Variants in GOLPH3L observed in about 807,000 individuals in gnomAD.
GOLPH3L encodes golgi phosphoprotein 3 like.
In GOLPH3L, 22 loss-of-function variants were observed where a neutral mutation model predicts 30.3. The observed-to-expected ratio is 0.73, with a 90% CI of 0.52 to 1.04. The LOEUF is 1.04. GOLPH3L is among the 50% of genes least tolerant of loss of function. The probability of loss-of-function intolerance (pLI) is 0.00; values close to 1 mark genes in which losing one functional copy is unlikely to be tolerated. For synonymous variants in GOLPH3L, 120 were observed against 128.2 expected, an observed-to-expected ratio of 0.94 and a Z score of 0.43; for missense variants, 303 against 345.8, an observed-to-expected ratio of 0.88 and a Z score of 0.98.
chr1:150,694,830 AG>A lies in GOLPH3L; in HGVS notation c.8del (p.Thr3IlefsTer2), dbSNP rs768008456. The stretch of plus-strand genomic sequence containing the variant: ...CAGTGCGACGGGCCCGGTGAGTTAA[AG>A]TGGTCATTCTCACCTGTTTCTGGAG... MTTLTHRARRTEI... is the reference protein window; with the variant it reads MTXLTHRARRTEI... On this transcript the variant is annotated frameshift_variant, in exon 2 of 5. Transcript: ENST00000271732. LOFTEE classifies it high-confidence loss of function. 4.4e-6 allele frequency: 7 copies of A among 1,605,992 alleles called. No individual in the cohort carries two copies. In the African/African-American group the frequency reaches 6.7e-5, roughly 15 times the overall value.
rs34407662 is a variant in GOLPH3L, at chr1:150,682,066, GA to G, written c.183+12589del. ...GTGACAGAGGAGACAATGTCTCAAA[GA>G]AAAAAAAAAATGATGCATCTGTGTA... On this transcript the variant is annotated intron_variant, in intron 2 of 4. Coordinates refer to ENST00000271732, the MANE Select transcript of GOLPH3L (RefSeq NM_018178.6). Among the ~76,000 whole-genome samples, 165 of 143,826 alleles carry G rather than the reference GA, an allele frequency of 1.1e-3. 1 individual carries two copies. Among genetic ancestry groups the G allele is most frequent in the Non-Finnish European group, 1.0e-3 (66 of 65,328 alleles). 94.4% of individuals were successfully genotyped at this position (143,826 alleles called of 152,430 possible).
intron 2 of GOLPH3L, among the ~76,000 whole-genome samples, chr1:150,688,847 T>A (rs1651148523): frequency 6.6e-6 from 1 of 152,192 alleles, no homozygotes; most frequent in Admixed American, 6.5e-5. Context: ...ACCACCCATC[T>A]GATTTACGTG....
chr1:150,680,889 C>CT (rs1215917382), intron 2 of GOLPH3L, among the ~76,000 whole-genome samples: 1 of 152,180 alleles, frequency 6.6e-6, no homozygotes, highest in African/African-American at 2.4e-5. Flanking sequence ...TGGCTCATGC[C>CT]TGTAATCCCA....
chr1:150,657,886 C>A (rs1404038734), intron 4 of GOLPH3L, among the ~76,000 whole-genome samples: 11 of 152,156 alleles, frequency 7.2e-5, no homozygotes. Context: ...ATTTTTTGAG[C>A]CTGCCTAAAG....
Position 150,648,282 on chromosome 1 carries a change from C to T in GOLPH3L, c.*39G>A. The stretch of plus-strand genomic sequence containing the variant: ...TCAGTGATGGGGTCTCTGACAGTCA[C>T]CAGCCAGCAGGGGAAAAGGAGAAAT... On this transcript the variant is annotated 3_prime_UTR_variant, in exon 5 of 5. Coordinates refer to ENST00000271732, the MANE Select transcript of GOLPH3L (RefSeq NM_018178.6). 2 of 1,430,884 alleles carry T rather than the reference C, an allele frequency of 1.4e-6. No individual in the cohort carries two copies. The highest frequency in any genetic ancestry group is 1.9e-6 in the Non-Finnish European group (2 of 1,042,702). The allele number at this position is 1,430,884 out of a possible 1,614,324, so 88.6% of individuals were successfully genotyped here.
intron 4 of GOLPH3L, among the ~76,000 whole-genome samples, chr1:150,656,781 A>T (rs1368995127): frequency 6.6e-6 from 1 of 152,198 alleles, no homozygotes; most frequent in African/African-American, 2.4e-5. Context: ...TTTTATAAAT[A>T]ATCTTACTTG....
intron 1 of GOLPH3L, 26 bp from the exon 2 acceptor site, chr1:150,694,876 T>A (rs76225960): frequency 8.1e-7 from 1 of 1,231,530 alleles, no homozygotes; most frequent in Non-Finnish European, 1.2e-6. Flanking sequence ...AAAAAAAAAA[T>A]CCATATGTAT....
chr1:150,661,207 G>A (rs1043223466), intron 4 of GOLPH3L, among the ~76,000 whole-genome samples: 2 of 152,110 alleles, frequency 1.3e-5, no homozygotes, highest in Non-Finnish European at 1.5e-5. Flanking sequence ...CAGCCTGGAC[G>A]ACAGAGCAAG....
intron 2 of GOLPH3L, among the ~76,000 whole-genome samples, chr1:150,677,218 G>A (rs759814154): frequency 6.6e-6 from 1 of 151,738 alleles, no homozygotes; most frequent in Non-Finnish European, 1.5e-5. Context: ...TTACAGGCAT[G>A]AGCCACCGTG....
chr1:150,694,903 C>A, intron 1 of GOLPH3L, 53 bp from the exon 2 acceptor site: 3 of 896,888 alleles, frequency 3.3e-6, no homozygotes, highest in South Asian at 1.7e-5. Flanking sequence ...GTAAATAAAT[C>A]ATATATTCAT....
chr1:150,668,754 T>A (rs587621832), intron 2 of GOLPH3L, among the ~76,000 whole-genome samples: 96 of 152,318 alleles, frequency 6.3e-4, no homozygotes, highest in African/African-American at 2.3e-3. Flanking sequence ...TGTTTTTTTT[T>A]ATAGTTTAGC....
intron 2 of GOLPH3L, among the ~76,000 whole-genome samples, chr1:150,689,141 T>C (rs1303981248): frequency 6.6e-6 from 1 of 152,168 alleles, no homozygotes; most frequent in East Asian, 1.9e-4. Flanking sequence ...CACAGTGACA[T>C]GAGAAATATG....
chr1:150,664,542 C>T (rs1321850574), intron 2 of GOLPH3L, among the ~76,000 whole-genome samples: 1 of 152,114 alleles, frequency 6.6e-6, no homozygotes, highest in Non-Finnish European at 1.5e-5. Flanking sequence ...CAACCTCCGC[C>T]TCCCAGGTTC....
At chr1:150,664,268 T>C (rs1299853893) in intron 2 of GOLPH3L, among the ~76,000 whole-genome samples, 1 of 152,100 alleles carries the variant, frequency 6.6e-6, no homozygotes, top group African/African-American at 2.4e-5. Context: ...CCTCCGAAAG[T>C]GTTGGGATTA....
At chr1:150,656,222 A>G (rs1265986064) in intron 4 of GOLPH3L, among the ~76,000 whole-genome samples, 1 of 152,234 alleles carries the variant, frequency 6.6e-6, no homozygotes, top group Non-Finnish European at 1.5e-5. Context: ...ACAGCTCCTG[A>G]CAAAATTCAG....
intron 2 of GOLPH3L, among the ~76,000 whole-genome samples, chr1:150,674,284 G>A (rs188606420): frequency 4.6e-4 from 68 of 147,930 alleles, no homozygotes; most frequent in Non-Finnish European, 6.7e-4. Context: ...TTTTTGAGAT[G>A]GAGTCTTTCT....
intron 2 of GOLPH3L, among the ~76,000 whole-genome samples, chr1:150,674,363 C>T (rs1571047133): frequency 6.6e-6 from 1 of 151,594 alleles, no homozygotes; most frequent in South Asian, 2.1e-4. Context: ...TGGGCTCAAG[C>T]GATTCTCCTG....
intron 4 of GOLPH3L, among the ~76,000 whole-genome samples, chr1:150,660,583 C>T (rs587626109): frequency 2.6e-5 from 4 of 152,216 alleles, no homozygotes; most frequent in East Asian, 1.9e-4. Flanking sequence ...ATACATACAA[C>T]GGAATATCAC....
intron 2 of GOLPH3L, among the ~76,000 whole-genome samples, chr1:150,682,811 C>CT (rs1434881870): frequency 6.6e-6 from 1 of 151,900 alleles, no homozygotes; most frequent in Non-Finnish European, 1.5e-5. Flanking sequence ...ACCTCAAACC[C>CT]TTTGATTCAG....
Sources: allele counts gnomAD v4.1 joint callset (sites outside exome capture counted in the v4.1 genomes callset), GRCh38; gene constraint gnomAD v4.1.1; transcripts MANE v1.5; gene names NCBI Gene and HGNC (gene_info 2026-07-23, HGNC 2026-07-21).